The following NPHS1 variants were observed in gnomAD, a reference collection of about 807,000 sequenced individuals.
NPHS1 encodes the protein nephrin.
In NPHS1, 107 loss-of-function variants were observed where a neutral mutation model predicts 139.7. That is an observed-to-expected ratio of 0.77 (90% CI 0.66 to 0.90). The LOEUF is 0.90. NPHS1 is among the 40% of genes least tolerant of loss of function. NPHS1 has a pLI of 0.00. For synonymous variants in NPHS1, 707 were observed against 706.6 expected (o/e 1.00, Z -0.01); for missense variants, 1,580 against 1,654.2 (o/e 0.96, Z 0.78).
At position 35,831,309 on chromosome 19, in the gene NPHS1, G is replaced by A. The variant is rs1286409919; in HGVS notation, c.3374C>T (p.Thr1125Ile). 4 of 1,613,944 alleles carry A rather than the reference G, an allele frequency of 2.5e-6. No individual in the cohort carries two copies. In the African/African-American group the frequency reaches 4.0e-5, roughly 16 times the overall value. ...EESQWTGERD[T>I]QSSTVSTTEA... ...ACCCCCACTTACCGTGGAGCTCTGAGTGTCCCGCTCTCCTGTCCACTGGCT... is the reference window on the plus strand; with the variant it reads ...ACCCCCACTTACCGTGGAGCTCTGAATGTCCCGCTCTCCTGTCCACTGGCT... The change falls in exon 26 of 29, where the codon ACT becomes ATT. Residue 1125 changes from threonine (T) to isoleucine (I), a missense_variant. Coordinates refer to ENST00000378910, the MANE Select transcript of NPHS1 (RefSeq NM_004646.4).
intron 23 of NPHS1, among the ~76,000 whole-genome samples, chr19:35,835,464 TA>T (rs747700656): frequency 4.6e-5 from 7 of 151,806 alleles, no homozygotes; most frequent in Non-Finnish European, 8.8e-5. Context: ...TACACCCAGC[TA>T]TTTTTTATTT....
In NPHS1 at chr19:35,845,417, G is replaced by A. The variant is rs778000946; in HGVS notation, c.1881C>T (p.Ser627=). 1.1e-5 allele frequency: 18 copies of A among 1,614,134 alleles called. No homozygotes were observed. In the East Asian group the frequency reaches 3.8e-4, roughly 34 times the overall value. ...HGQRVTCRAH[S]AELRETVSSF... Reference sequence around the variant, plus strand: ...AGCTCACGGTTTCGCGGAGCTCGGCGCTGTGGGCGCGGCAGGTCACGCGCT... The same window carrying A: ...AGCTCACGGTTTCGCGGAGCTCGGCACTGTGGGCGCGGCAGGTCACGCGCT... The change falls in exon 14 of 29, where the codon AGC becomes AGT. Residue 627 remains serine, a synonymous_variant. Coordinates refer to ENST00000378910, the MANE Select transcript of NPHS1 (RefSeq NM_004646.4). This position sits in a 1 kb window ranked among gnomAD's most constrained non-coding sequence, Gnocchi z 5.5.
Position 35,826,436 on chromosome 19 carries a change from C to G in NPHS1, c.*78G>C. 1 of 1,580,418 alleles carries G rather than the reference C, an allele frequency of 6.3e-7. No individual in the cohort carries two copies. Among genetic ancestry groups the G allele is most frequent in the East Asian group, 2.2e-5 (1 of 44,634 alleles). The stretch of plus-strand genomic sequence containing the variant: ...GGTTTTATGGAGCTCACCTAACCAG[C>G]TCGGCCCAGGCTGTAATGAGAGAGA... On this transcript the variant is annotated 3_prime_UTR_variant, in exon 29 of 29. Coordinates refer to ENST00000378910, the MANE Select transcript of NPHS1 (RefSeq NM_004646.4).
In NPHS1 at chr19:35,825,762, C is replaced by T. The variant is rs912162547; in HGVS notation, c.*752G>A. Among the ~76,000 whole-genome samples the T allele has an allele frequency of 3.3e-5, 5 of 152,060 alleles. No individual in the cohort carries two copies. The highest frequency in any genetic ancestry group is 1.9e-4 in the East Asian group (1 of 5,186). On this transcript the variant is annotated 3_prime_UTR_variant, in exon 29 of 29. Coordinates refer to ENST00000378910, the MANE Select transcript of NPHS1 (RefSeq NM_004646.4). ...TATGCCTCCTGTGTTAGATAACTGT[C>T]GGAAATAATAAAATAATAGGTAGGA...
Position 35,826,570 on chromosome 19 carries a change from A to G in NPHS1, c.3670T>C (p.Leu1224=). The part of the protein sequence containing the change: ...RGIYDQVAGD[L]DTLEPDSLPF... ...AGAGAATCGGGTTCCAGAGTGTCCAAGTCTCCGGCCACCTGGTCATAGATT... is the reference window on the plus strand; with the variant it reads ...AGAGAATCGGGTTCCAGAGTGTCCAGGTCTCCGGCCACCTGGTCATAGATT... The change falls in exon 29 of 29, where the codon TTG becomes CTG. Residue 1224 remains leucine (L), a synonymous_variant. Coordinates refer to ENST00000378910, the MANE Select transcript of NPHS1 (RefSeq NM_004646.4). The G allele has an allele frequency of 6.2e-7, 1 of 1,614,028 alleles. No individual in the cohort carries two copies. Among genetic ancestry groups the G allele is most frequent in the Non-Finnish European group, 8.5e-7 (1 of 1,180,018 alleles).
At chr19:35,829,834 C>T (rs1428281954) in intron 28 of NPHS1, among the ~76,000 whole-genome samples, 2 of 149,492 alleles carry the variant, frequency 1.3e-5, no homozygotes, top group African/African-American at 2.5e-5. Flanking sequence ...CCACCATGCT[C>T]GGCTTAACTT....
intron 20 of NPHS1, among the ~76,000 whole-genome samples, chr19:35,840,266 AAAT>A (rs1568452450): frequency 6.6e-6 from 1 of 151,704 alleles, no homozygotes; most frequent in Non-Finnish European, 1.5e-5. Flanking sequence ...TGGCCTCCCA[AAAT>A]GCTGGGATTA....
chr19:35,847,999 C>A, intron 11 of NPHS1, 42 bp downstream of exon 11: 1 of 1,607,718 alleles, frequency 6.2e-7, no homozygotes. Context: ...GGTCCTTCCC[C>A]CACATTCCTG....
At chr19:35,850,931 C>T (rs202215755) in intron 4 of NPHS1, 30 bp downstream of exon 4, 70 of 1,612,350 alleles carry the variant, frequency 4.3e-5, no homozygotes, top group Non-Finnish European at 5.4e-5. Context: ...CTTCATGCTG[C>T]CCCCTGCCAC....
chr19:35,832,428 C>T (rs1972896874), intron 23 of NPHS1, among the ~76,000 whole-genome samples: 1 of 151,980 alleles, frequency 6.6e-6, no homozygotes, highest in Non-Finnish European at 1.5e-5. Flanking sequence ...TCTATAGTCC[C>T]AGCTACTCGG....
chr19:35,833,787 C>T (rs1390299596), intron 23 of NPHS1, among the ~76,000 whole-genome samples: 1 of 152,136 alleles, frequency 6.6e-6, no homozygotes, highest in Non-Finnish European at 1.5e-5. Flanking sequence ...GGCTCAACCT[C>T]CTGGGCTCAA....
rs111797123 is a variant in NPHS1, at chr19:35,828,351, C to T, written c.3595-1706G>A. ...CGCAATCTTGGCTCACTGCAACCTC[C>T]GCCTCCCGGGTTTAAGCGATTCTCC... is the stretch of plus-strand genomic sequence containing the variant. On this transcript the variant is annotated intron_variant, in intron 28 of 28. Transcript: ENST00000378910. Among the ~76,000 whole-genome samples the T allele has an allele frequency of 5.4e-3, 816 of 152,140 alleles. 4 individuals carry two copies. The highest frequency in any genetic ancestry group is 0.019 in the African/African-American group (790 of 41,500).
At chr19:35,831,232 A>G in intron 26 of NPHS1, 64 bp downstream of exon 26, 7 of 1,607,402 alleles carry the variant, frequency 4.4e-6, no homozygotes, top group Non-Finnish European at 6.0e-6. Context: ...CCTGATGCTA[A>G]CGGCAGGGCT....
chr19:35,840,202 A>C (rs1973034035), intron 20 of NPHS1, among the ~76,000 whole-genome samples: 1 of 151,150 alleles, frequency 6.6e-6, no homozygotes, highest in South Asian at 2.1e-4. Context: ...ATGGGGTTTC[A>C]CTATGTTGGC....
chr19:35,829,927 C>G (rs1972853399), intron 28 of NPHS1, among the ~76,000 whole-genome samples: 2 of 151,948 alleles, frequency 1.3e-5, no homozygotes, highest in South Asian at 4.1e-4. Context: ...CTACCTCAGC[C>G]TGCTGAGATT....
chr19:35,843,549 C>A lies in NPHS1; in HGVS notation c.2257G>T (p.Val753Phe), dbSNP rs753894951. The A allele has an allele frequency of 3.7e-6, 6 of 1,614,116 alleles. No homozygotes were observed. Among genetic ancestry groups the A allele is most frequent in the Non-Finnish European group, 5.1e-6 (6 of 1,180,002 alleles). ...RALQDPTEVNVGGSVDIVCTV... is the reference protein window; with the variant it reads ...RALQDPTEVNFGGSVDIVCTV... ...CAGACTATGTCCACAGAACCCCCGA[C>A]GTTCACCTCAGTGGGGTCCTGGAGG... The change falls in exon 17 of 29, where the codon GTC (valine) becomes TTC (phenylalanine). Residue 753 changes from valine to phenylalanine, a missense_variant. Coordinates refer to ENST00000378910, the MANE Select transcript of NPHS1 (RefSeq NM_004646.4).
In NPHS1 at chr19:35,849,787, A is replaced by G. The variant is rs534758567; in HGVS notation, c.609-134T>C. The stretch of plus-strand genomic sequence containing the variant: ...CCCATGCTGATCTCCTCTGGGATCC[A>G]GGGTTCCATGGGAGAGATTTTGGGG... On this transcript the variant is annotated intron_variant, in intron 5 of 28. Coordinates refer to ENST00000378910, the MANE Select transcript of NPHS1 (RefSeq NM_004646.4). The G allele has an allele frequency of 1.2e-5, 9 of 726,700 alleles. No individual in the cohort carries two copies. The Admixed American group carries it at 1.4e-4, about 11-fold the overall frequency. 45.0% of individuals were successfully genotyped at this position (726,700 alleles called of 1,614,324 possible).
At position 35,831,116 on chromosome 19, in the gene NPHS1, G is replaced by T. The variant is rs143092783; in HGVS notation, c.3418C>A (p.Arg1140Ser). ...VSTTEAEPYY[R>S]SLRDFSPQLP... ...TGGGGGCTGAAGTCCCTCAGGGAGC[G>T]GTAATACGGCTCTGCCTCTGTTGTG... Residue 1140 changes from arginine to serine, a missense_variant, in exon 27 of 29, where the codon CGC (arginine) becomes AGC (serine). Arg to Ser is a moderately radical substitution (Grantham distance 110, BLOSUM62 -1). Transcript: ENST00000378910. 7.2e-4 allele frequency: 1,155 copies of T among 1,613,946 alleles called. 10 individuals are homozygous for T. The African/African-American group carries it at 0.012, about 17-fold the overall frequency.
chr19:35,850,365 T>C lies in NPHS1; in HGVS notation c.607A>G (p.Arg203Gly). The C allele has an allele frequency of 6.2e-7, 1 of 1,613,434 alleles. No homozygotes were observed. The highest frequency in any genetic ancestry group is 8.5e-7 in the Non-Finnish European group (1 of 1,179,346). ...QKLFTVEATA[R>G]VTPRSSDNRQ... is the part of the protein sequence containing the mutation. The stretch of plus-strand genomic sequence containing the variant: ...GGGGGGTTGTTTCAGTTTCCACACC[T>C]GGCTGTGGCCTCCACAGTGAAGAGT... The change falls in exon 5 of 29, where the codon AGG becomes GGG. Residue 203 changes from arginine (R) to glycine (G), a missense_variant and splice_region_variant. Transcript: ENST00000378910.
Sources: gnomAD v4.1 joint callset for allele counts (sites outside exome capture counted in the v4.1 genomes callset) on GRCh38, gnomAD v4.1.1 for gene constraint, Gnocchi (gnomAD v3.1) non-coding constraint, MANE v1.5 for transcripts, NCBI Gene and HGNC (gene_info 2026-07-23, HGNC 2026-07-21) for gene names.